Variants in PPP1R9A observed in about 807,000 individuals in gnomAD.
PPP1R9A encodes the protein protein phosphatase 1 regulatory subunit 9A.
A neutral mutation model predicts 141.9 loss-of-function variants in PPP1R9A; 59 were observed. The observed-to-expected ratio is 0.42, with a 90% CI of 0.34 to 0.52. The LOEUF is 0.52. Among genes scored for constraint, PPP1R9A ranks in the 20% least tolerant of loss-of-function variants. PPP1R9A has a pLI of 0.10. For missense variants in PPP1R9A, 1,444 were observed against 1,611.9 expected, an observed-to-expected ratio of 0.90 and a Z score of 1.78; for synonymous variants, 500 against 569.7, an observed-to-expected ratio of 0.88 and a Z score of 1.74.
intron 2 of PPP1R9A, among the ~76,000 whole-genome samples, chr7:95,007,629 C>G (rs545109294): frequency 2.0e-5 from 3 of 152,098 alleles, no homozygotes; most frequent in South Asian, 4.2e-4. Context: ...TATGTTATAG[C>G]CTGTATGTAT....
At position 94,988,814 on chromosome 7, in the gene PPP1R9A, C is replaced by T. The variant is rs564301502; in HGVS notation, c.1395+77306C>T. On this transcript the variant is annotated intron_variant, in intron 2 of 19. Transcript: ENST00000433360. The stretch of plus-strand genomic sequence containing the variant: ...TTATACTGTTTCATATCCTAACATC[C>T]TGGATTGATAACCTGCCTCCCACCC... 3.3e-5 allele frequency among the ~76,000 whole-genome samples: 5 copies of T among 151,926 alleles called. No homozygotes were observed. In the South Asian group the frequency reaches 1.0e-3, roughly 32 times the overall value.
chr7:95,082,756 G>T (rs1375086363), intron 2 of PPP1R9A, among the ~76,000 whole-genome samples: 1 of 144,572 alleles, frequency 6.9e-6, no homozygotes, highest in Non-Finnish European at 1.5e-5. Context: ...GTGTAGGGTG[G>T]AAGGGATTTC....
At chr7:94,968,675 C>T (rs562645825) in intron 2 of PPP1R9A, among the ~76,000 whole-genome samples, 11 of 152,094 alleles carry the variant, frequency 7.2e-5, no homozygotes, top group Non-Finnish European at 1.6e-4. Context: ...TTAATTGTGG[C>T]ATATAACTTG....
intron 2 of PPP1R9A, among the ~76,000 whole-genome samples, chr7:94,995,871 C>A (rs1417912843): frequency 6.6e-6 from 1 of 151,978 alleles, no homozygotes; most frequent in African/African-American, 2.4e-5. Flanking sequence ...TGAAAATTAC[C>A]TTATTGAGTA....
chr7:95,157,816 A>C (rs1002411100), intron 4 of PPP1R9A, among the ~76,000 whole-genome samples: 3 of 152,114 alleles, frequency 2.0e-5, no homozygotes, highest in African/African-American at 4.8e-5. Flanking sequence ...GATTTATGCC[A>C]CTCTTACCCA....
chr7:95,092,218 A>G (rs1187850988), intron 2 of PPP1R9A, among the ~76,000 whole-genome samples: 1 of 152,172 alleles, frequency 6.6e-6, no homozygotes, highest in Non-Finnish European at 1.5e-5. Flanking sequence ...TTCAATTCTT[A>G]TGATGACAGC....
intron 2 of PPP1R9A, among the ~76,000 whole-genome samples, chr7:95,088,653 TTAAATAC>T (rs1816944017): frequency 6.6e-6 from 1 of 151,974 alleles, no homozygotes; most frequent in Admixed American, 6.6e-5. Flanking sequence ...AAGTATCCAG[TTAAATAC>T]TAGGTAGGAG....
In PPP1R9A at chr7:95,120,807, G is replaced by C. The variant is rs752753419; in HGVS notation, c.1624G>C (p.Gly542Arg). ...LGIFVKTVTE[G>R]GAAQRDGRIQ... ...AATATTCGTCAAGACAGTAACAGAA[G>C]GTGGTGCTGCTCAACGGGATGGCAG... The change falls in exon 4 of 20, where the codon GGT (glycine) becomes CGT (arginine). Residue 542 changes from glycine to arginine, a missense_variant. By Grantham distance (125) the Gly-to-Arg change is moderately radical. This residue lies in a region of PPP1R9A where 488 missense variants were observed against 542.0 expected (regional missense o/e 0.90). Coordinates refer to ENST00000433360, the MANE Select transcript of PPP1R9A (RefSeq NM_001166160.2). 3 of 1,613,878 alleles carry C rather than the reference G, an allele frequency of 1.9e-6. No homozygotes were observed. In the South Asian group the frequency reaches 3.3e-5, roughly 18 times the overall value.
intron 2 of PPP1R9A, among the ~76,000 whole-genome samples, chr7:94,935,328 G>T (rs1433222356): frequency 1.3e-5 from 2 of 152,098 alleles, no homozygotes; most frequent in Admixed American, 1.3e-4. Context: ...GTACAGTCTA[G>T]AGCCAAATGA....
At chr7:94,989,447 A>G (rs1022264747) in intron 2 of PPP1R9A, among the ~76,000 whole-genome samples, 1 of 152,128 alleles carries the variant, frequency 6.6e-6, no homozygotes, top group Non-Finnish European at 1.5e-5. Flanking sequence ...ATTTTCTTGC[A>G]TGTCTCCAGA....
At chr7:95,248,358 A>G (rs951033408) in intron 9 of PPP1R9A, among the ~76,000 whole-genome samples, 1 of 120,522 alleles carries the variant, frequency 8.3e-6, no homozygotes, top group Admixed American at 1.0e-4. Flanking sequence ...CGTGTGTTTT[A>G]AATGGAGATG....
chr7:95,020,333 T>A (rs1805755484), intron 2 of PPP1R9A, among the ~76,000 whole-genome samples: 1 of 152,136 alleles, frequency 6.6e-6, no homozygotes, highest in African/African-American at 2.4e-5. Flanking sequence ...CATATCCAGG[T>A]CATTGTGAAT....
At chr7:95,129,252 G>A (rs1456814927) in intron 4 of PPP1R9A, among the ~76,000 whole-genome samples, 1 of 152,130 alleles carries the variant, frequency 6.6e-6, no homozygotes, top group African/African-American at 2.4e-5. Flanking sequence ...CCTGGTGGGA[G>A]GTGATTGAAT....
intron 2 of PPP1R9A, among the ~76,000 whole-genome samples, chr7:95,006,803 A>T (rs766101069): frequency 5.3e-5 from 8 of 152,084 alleles, no homozygotes; most frequent in Non-Finnish European, 7.4e-5. Flanking sequence ...TGAGCAATTC[A>T]GTTGTCTTAC....
intron 16 of PPP1R9A, among the ~76,000 whole-genome samples, chr7:95,282,222 C>T (rs1804394498): frequency 6.7e-6 from 1 of 150,284 alleles, no homozygotes; most frequent in African/African-American, 2.5e-5. Flanking sequence ...GTCCTAGCTA[C>T]TCTGGAAGCT....
intron 2 of PPP1R9A, among the ~76,000 whole-genome samples, chr7:95,110,147 T>A (rs1219694199): frequency 6.6e-6 from 1 of 152,170 alleles, no homozygotes; most frequent in African/African-American, 2.4e-5. Flanking sequence ...TGCTTCTATA[T>A]ATGCGTATGT....
chr7:94,936,448 C>T (rs1794769851), intron 2 of PPP1R9A, among the ~76,000 whole-genome samples: 1 of 152,108 alleles, frequency 6.6e-6, no homozygotes, highest in East Asian at 1.9e-4. Flanking sequence ...TAAAGGACAT[C>T]TCTGTTTTCA....
intron 2 of PPP1R9A, among the ~76,000 whole-genome samples, chr7:95,090,368 A>G (rs1817180547): frequency 6.6e-6 from 1 of 152,050 alleles, no homozygotes; most frequent in Non-Finnish European, 1.5e-5. Context: ...CTATTAACAT[A>G]TATTTTAAGT....
At chr7:95,112,144 T>C (rs1820681110) in intron 3 of PPP1R9A, among the ~76,000 whole-genome samples, 1 of 152,132 alleles carries the variant, frequency 6.6e-6, no homozygotes, top group African/African-American at 2.4e-5. Context: ...AAAAGACATT[T>C]GCAAATTATG....
Sources: gnomAD v4.1 joint callset for allele counts (sites outside exome capture counted in the v4.1 genomes callset) on GRCh38, gnomAD v4.1.1 for gene constraint, gnomAD v4.1.1 regional missense constraint, MANE v1.5 for transcripts, NCBI Gene and HGNC (gene_info 2026-07-23, HGNC 2026-07-21) for gene names.